ATP10D: variants seen among roughly 807,000 people sequenced by gnomAD.
The protein encoded by ATP10D is phospholipid-transporting ATPase VD.
A neutral mutation model predicts 144.8 loss-of-function variants in ATP10D; 89 were observed. The ratio of observed to expected loss-of-function variants is 0.61; its 90% confidence interval spans 0.52 to 0.73. The LOEUF (loss-of-function observed/expected upper bound fraction) is 0.73, where lower values mean the gene tolerates loss of function less well. Ranked by LOEUF, ATP10D falls within the 30% of genes least tolerant of loss-of-function variation. ATP10D has a pLI of 0.00. For missense variants in ATP10D, 1,603 were observed against 1,714.8 expected, an observed-to-expected ratio of 0.93 and a Z score of 1.15; for synonymous variants, 571 against 615.1, an observed-to-expected ratio of 0.93 and a Z score of 1.06.
intron 1 of ATP10D, among the ~76,000 whole-genome samples, chr4:47,487,947 C>T (rs937563648): frequency 2.0e-5 from 3 of 152,288 alleles, no homozygotes; most frequent in Non-Finnish European, 4.4e-5. Flanking sequence ...GTTCAAGTAT[C>T]TGCATGGTCC....
At chr4:47,545,078 C>T (rs1281312290) in intron 9 of ATP10D, among the ~76,000 whole-genome samples, 1 of 152,132 alleles carries the variant, frequency 6.6e-6, no homozygotes, top group Non-Finnish European at 1.5e-5. Flanking sequence ...TCAGGCAAGG[C>T]CTCTCTAAGT....
At chr4:47,542,621 GTGC>G (rs1718199059) in intron 9 of ATP10D, among the ~76,000 whole-genome samples, 7 of 151,956 alleles carry the variant, frequency 4.6e-5, no homozygotes, top group Non-Finnish European at 8.8e-5. Context: ...GGGATTACAG[GTGC>G]CCGCCACCAC....
rs773498133 is a variant in ATP10D, at chr4:47,580,483, G to A, written c.3648+5G>A. 1 of 1,605,964 alleles carries A rather than the reference G, an allele frequency of 6.2e-7. No individual in the cohort carries two copies. The highest frequency in any genetic ancestry group is 1.7e-5 in the Admixed American group (1 of 59,974). On this transcript the variant is annotated splice_donor_5th_base_variant and intron_variant, in intron 20 of 22. Transcript: ENST00000273859. ...TGCTTCTTTGTGCCTTATTTTGTGA[G>A]TCTTTGTTCACTCAGTATATTTGTT...
intron 22 of ATP10D, among the ~76,000 whole-genome samples, chr4:47,590,577 C>T (rs546853755): frequency 5.9e-5 from 9 of 152,194 alleles, no homozygotes; most frequent in African/African-American, 1.9e-4. Context: ...AGTCACAAGA[C>T]TTTTGAGAAT....
In ATP10D at chr4:47,523,107, T is replaced by G; in HGVS notation, c.581T>G (p.Val194Gly). ...SCNEVIPADMVLLFSTDPDGI... is the reference protein window; with the variant it reads ...SCNEVIPADMGLLFSTDPDGI... Reference sequence around the variant, plus strand: ...AACGAGGTCATCCCTGCAGACATGGTACTACTCTTTTCCACTGATCCAGAT... The same window carrying G: ...AACGAGGTCATCCCTGCAGACATGGGACTACTCTTTTCCACTGATCCAGAT... The change falls in exon 4 of 23, where the codon GTA becomes GGA. Residue 194 changes from valine to glycine, a missense_variant. Val to Gly is a moderately radical substitution (Grantham distance 109). Coordinates refer to ENST00000273859, the MANE Select transcript of ATP10D (RefSeq NM_020453.4). The G allele has an allele frequency of 1.2e-6, 2 of 1,614,080 alleles. No individual in the cohort carries two copies. Among genetic ancestry groups the G allele is most frequent in the Middle Eastern group, 1.6e-4 (1 of 6,062 alleles).
rs140563278 is a variant in ATP10D, at chr4:47,534,690, T to C, written c.777-819T>C. On this transcript the variant is annotated intron_variant, in intron 5 of 22. Coordinates refer to ENST00000273859, the MANE Select transcript of ATP10D (RefSeq NM_020453.4). Reference sequence around the variant, plus strand: ...ATTTCATCCAAGTCGAAAATGATAATTTTTAAATTCTATCAGGATTTCTTC... The same window carrying C: ...ATTTCATCCAAGTCGAAAATGATAACTTTTAAATTCTATCAGGATTTCTTC... 1.7e-3 allele frequency among the ~76,000 whole-genome samples: 265 copies of C among 152,306 alleles called. 2 individuals are homozygous for C. The highest frequency in any genetic ancestry group is 3.2e-3 in the Non-Finnish European group (221 of 68,006).
intron 2 of ATP10D, among the ~76,000 whole-genome samples, chr4:47,514,277 C>A (rs1210155011): frequency 6.6e-6 from 1 of 151,954 alleles, no homozygotes; most frequent in Non-Finnish European, 1.5e-5. Flanking sequence ...GCTATGTAGC[C>A]CTATGTGTGT....
At chr4:47,539,895 G>T (rs1447152443) in intron 9 of ATP10D, among the ~76,000 whole-genome samples, 1 of 152,154 alleles carries the variant, frequency 6.6e-6, no homozygotes, top group Non-Finnish European at 1.5e-5. Context: ...GCCCAAGTGA[G>T]TATTTTTCGT....
intron 16 of ATP10D, among the ~76,000 whole-genome samples, chr4:47,570,047 G>A (rs1188013379): frequency 6.6e-6 from 1 of 152,176 alleles, no homozygotes; most frequent in African/African-American, 2.4e-5. Context: ...ATTTTGAGCT[G>A]GAGTGGGACA....
In ATP10D at chr4:47,563,756, C is replaced by G; in HGVS notation, c.2844C>G (p.Thr948=). 6.2e-7 allele frequency: 1 copy of G among 1,604,242 alleles called. No individual in the cohort carries two copies. Among genetic ancestry groups the G allele is most frequent in the Non-Finnish European group, 8.5e-7 (1 of 1,175,800 alleles). ...ATGACAAGCTTTTTATCCTCAATAC[C>G]CAAAGTAAAGTGCGTATATTGAGAT... is the stretch of plus-strand genomic sequence containing the variant. The part of the protein sequence containing the change: ...EPDDKLFILN[T]QSKDACGMLM... The change falls in exon 15 of 23, where the codon ACC becomes ACG. Residue 948 remains threonine, a synonymous_variant. Coordinates refer to ENST00000273859, the MANE Select transcript of ATP10D (RefSeq NM_020453.4).
rs375658947 is a variant in ATP10D, at chr4:47,546,743, A to C, written c.1516A>C (p.Asn506His). ...AGCCCCCAGCTGCAGGACAGTTCAT[A>C]ATGGGCCTTTGGGAAATAAGCCCTC... ...PRAPSCRTVH[N>H]GPLGNKPSNH... Residue 506 changes from asparagine to histidine, a missense_variant, in exon 10 of 23, where the codon AAT becomes CAT. Physicochemically the swap from Asn to His is moderately conservative, Grantham distance 68. Transcript: ENST00000273859. The C allele has an allele frequency of 6.2e-7, 1 of 1,614,046 alleles. No homozygotes were observed. The highest frequency in any genetic ancestry group is 8.5e-7 in the Non-Finnish European group (1 of 1,180,000).
At chr4:47,496,156 CTTTTTTTT>C (rs5858072) in intron 1 of ATP10D, among the ~76,000 whole-genome samples, 13 of 132,882 alleles carry the variant, frequency 9.8e-5, no homozygotes, top group South Asian at 2.3e-4. Context: ...TTTCCTTTTT[CTTTTTTTT>C]TTTTTTTTTT....
chr4:47,495,312 T>C (rs1157599859), intron 1 of ATP10D, among the ~76,000 whole-genome samples: 2 of 151,992 alleles, frequency 1.3e-5, no homozygotes, highest in African/African-American at 2.4e-5. Flanking sequence ...TATGAAGTTG[T>C]GCTTTAAAAA....
chr4:47,528,503 GTGTGTGTGTGTA>G (rs1212360620), intron 5 of ATP10D, among the ~76,000 whole-genome samples: 5 of 28,526 alleles, frequency 1.8e-4, no homozygotes, highest in African/African-American at 4.9e-4. Flanking sequence ...GTGTGTGTGT[GTGTGTGTGTGTA>G]TATATATATA....
chr4:47,521,865 T>C (rs1458277771), intron 3 of ATP10D, among the ~76,000 whole-genome samples: 2 of 152,246 alleles, frequency 1.3e-5, no homozygotes, highest in African/African-American at 4.8e-5. Context: ...ATTTCCTTTG[T>C]TGGTTTCAAC....
chr4:47,541,645 A>G (rs1378375530), intron 9 of ATP10D, among the ~76,000 whole-genome samples: 1 of 152,204 alleles, frequency 6.6e-6, no homozygotes, highest in Non-Finnish European at 1.5e-5. Context: ...ATACAATTGA[A>G]GGAAGCTCAT....
At chr4:47,507,961 T>C (rs1716110316) in intron 1 of ATP10D, among the ~76,000 whole-genome samples, 1 of 152,144 alleles carries the variant, frequency 6.6e-6, no homozygotes, top group Admixed American at 6.5e-5. Context: ...AGGTGCAAAG[T>C]GTACACTATG....
intron 1 of ATP10D, among the ~76,000 whole-genome samples, chr4:47,506,743 G>A (rs999343685): frequency 1.3e-5 from 2 of 152,118 alleles, no homozygotes; most frequent in African/African-American, 4.8e-5. Context: ...TGTCTATGTG[G>A]TTTTACAAAG....
intron 5 of ATP10D, among the ~76,000 whole-genome samples, chr4:47,526,742 T>A (rs1260487344): frequency 6.6e-6 from 1 of 152,154 alleles, no homozygotes; most frequent in African/African-American, 2.4e-5. Context: ...GATATTGAAA[T>A]TTTTAAACAT....
Sources: allele counts gnomAD v4.1 joint callset (sites outside exome capture counted in the v4.1 genomes callset), GRCh38; gene constraint gnomAD v4.1.1; transcripts MANE v1.5; gene names NCBI Gene and HGNC (gene_info 2026-07-23, HGNC 2026-07-21).